Variants in DCC observed in about 807,000 individuals in gnomAD.
DCC encodes the protein DCC netrin 1 receptor.
A neutral mutation model predicts 172.5 loss-of-function variants in DCC; 58 were observed. The ratio of observed to expected loss-of-function variants is 0.34; its 90% CI spans 0.27 to 0.42. DCC has a LOEUF of 0.42. DCC is among the 10% of genes least tolerant of loss of function. DCC has a pLI of 1.00. For missense variants in DCC, 1,740 were observed against 1,791.0 expected (o/e 0.97, Z 0.51); for synonymous variants, 709 against 644.5 (o/e 1.10, Z -1.52).
intron 7 of DCC, among the ~76,000 whole-genome samples, chr18:53,122,850 C>G (rs1026052329): frequency 6.6e-6 from 1 of 152,038 alleles, no homozygotes; most frequent in Non-Finnish European, 1.5e-5. Flanking sequence ...CTCTTTCTGA[C>G]CTTTAGCCTT....
At chr18:52,769,992 C>T (rs2037314382) in intron 2 of DCC, among the ~76,000 whole-genome samples, 1 of 152,204 alleles carries the variant, frequency 6.6e-6, no homozygotes, top group Non-Finnish European at 1.5e-5. Flanking sequence ...TCTCCTAAAA[C>T]AGTCTATTAA....
intron 19 of DCC, among the ~76,000 whole-genome samples, chr18:53,405,094 A>G (rs1019879638): frequency 2.6e-5 from 4 of 152,138 alleles, no homozygotes; most frequent in Admixed American, 6.5e-5. Context: ...CAGAAAATAG[A>G]ATGATAAAAT....
intron 5 of DCC, among the ~76,000 whole-genome samples, chr18:53,011,457 A>G (rs1412926033): frequency 1.3e-5 from 2 of 151,620 alleles, no homozygotes; most frequent in Non-Finnish European, 3.0e-5. Context: ...TGATTTTGCA[A>G]AGAGGGTTAC....
chr18:53,054,350 A>T (rs2144048799), intron 5 of DCC, among the ~76,000 whole-genome samples: 1 of 152,142 alleles, frequency 6.6e-6, no homozygotes, highest in Non-Finnish European at 1.5e-5. Context: ...ATATATATAT[A>T]AATATAAATA....
At chr18:53,006,276 T>A (rs576848572) in intron 5 of DCC, among the ~76,000 whole-genome samples, 1 of 152,330 alleles carries the variant, frequency 6.6e-6, no homozygotes, top group East Asian at 1.9e-4. Context: ...GAGCCATAAC[T>A]GAAGCATCCA....
In DCC at chr18:53,535,816, T is replaced by C. The variant is rs1162050748; in HGVS notation, c.*5163T>C. The stretch of plus-strand genomic sequence containing the variant: ...GGAAAAGGGGGTTTTGTAAACACTG[T>C]AGAACAGTCTCATATTCATTTTTTT... On this transcript the variant is annotated 3_prime_UTR_variant, in exon 29 of 29. Coordinates refer to ENST00000442544, the MANE Select transcript of DCC (RefSeq NM_005215.4). 1 of 139,232 alleles carries C rather than the reference T, an allele frequency of 7.2e-6. No individual in the cohort carries two copies. Among genetic ancestry groups the C allele is most frequent in the African/African-American group, 2.5e-5 (1 of 40,596 alleles). The allele number at this position is 139,232 out of a possible 1,614,324, so 8.6% of individuals were successfully genotyped here.
intron 1 of DCC, among the ~76,000 whole-genome samples, chr18:52,692,974 A>G (rs1475884263): frequency 6.6e-6 from 1 of 152,198 alleles, no homozygotes; most frequent in Admixed American, 6.6e-5. Flanking sequence ...TATAGAAGCC[A>G]GGAGAGTTTG....
At chr18:53,475,120 T>G (rs2045746363) in intron 25 of DCC, among the ~76,000 whole-genome samples, 1 of 152,216 alleles carries the variant, frequency 6.6e-6, no homozygotes, top group Non-Finnish European at 1.5e-5. Context: ...AAGAAATTTC[T>G]AAGCAATAAA....
chr18:53,079,428 G>A (rs2042767842), intron 7 of DCC, among the ~76,000 whole-genome samples: 1 of 152,046 alleles, frequency 6.6e-6, no homozygotes, highest in Non-Finnish European at 1.5e-5. Context: ...GATAAAAATG[G>A]TAAATATCTT....
At chr18:52,450,199 A>G (rs1988258786) in intron 1 of DCC, among the ~76,000 whole-genome samples, 1 of 152,184 alleles carries the variant, frequency 6.6e-6, no homozygotes, top group South Asian at 2.1e-4. Flanking sequence ...ACTTCATTTC[A>G]TTATTTTTAT....
At chr18:52,862,617 A>G (rs751022059) in intron 2 of DCC, among the ~76,000 whole-genome samples, 11 of 151,972 alleles carry the variant, frequency 7.2e-5, no homozygotes, top group Non-Finnish European at 1.3e-4. Flanking sequence ...AGAATCACTT[A>G]AACCCAGGAG....
chr18:53,391,928 A>G (rs756604968), intron 17 of DCC, 41 bp downstream of exon 17: 2 of 1,191,412 alleles, frequency 1.7e-6, no homozygotes, highest in East Asian at 2.3e-5. Flanking sequence ...AAATGAACTG[A>G]CATTTGTTTA....
intron 12 of DCC, among the ~76,000 whole-genome samples, chr18:53,279,195 C>T (rs981749439): frequency 6.6e-6 from 1 of 152,194 alleles, no homozygotes; most frequent in South Asian, 2.1e-4. Context: ...TGCACATGCA[C>T]ACGTATGCTT....
intron 12 of DCC, among the ~76,000 whole-genome samples, chr18:53,289,264 C>T (rs2056971523): frequency 6.6e-6 from 1 of 152,030 alleles, no homozygotes; most frequent in African/African-American, 2.4e-5. Context: ...TAACTGAAAA[C>T]TATTTTGCAG....
At chr18:52,934,664 C>T (rs958214440) in intron 5 of DCC, 1 of 152,048 alleles carries the variant, frequency 6.6e-6, no homozygotes, top group Non-Finnish European at 1.5e-5. Context: ...AATCCTAACC[C>T]CCAATGTGAC....
intron 12 of DCC, among the ~76,000 whole-genome samples, chr18:53,254,069 T>C (rs1379423887): frequency 6.6e-6 from 1 of 152,058 alleles, no homozygotes; most frequent in Non-Finnish European, 1.5e-5. Context: ...TAAAAGCTAA[T>C]GAGCCAAGGG....
chr18:53,263,498 T>G (rs1598961722), intron 12 of DCC, among the ~76,000 whole-genome samples: 1 of 152,200 alleles, frequency 6.6e-6, no homozygotes, highest in Non-Finnish European at 1.5e-5. Context: ...AATAATTTAA[T>G]GTTTTATGCA....
intron 5 of DCC, among the ~76,000 whole-genome samples, chr18:53,013,299 A>G (rs1468478754): frequency 1.3e-5 from 2 of 152,134 alleles, no homozygotes; most frequent in South Asian, 4.1e-4. Flanking sequence ...AACCAACCCA[A>G]ATGTCCATAA....
chr18:52,612,151 G>A (rs62083419), intron 1 of DCC, among the ~76,000 whole-genome samples: 10,580 of 152,068 alleles, frequency 0.07, 451 homozygotes, highest in Middle Eastern at 0.11. Flanking sequence ...CAGATCTCTC[G>A]AAATTAATCT....
Sources: gnomAD v4.1 joint callset for allele counts (sites outside exome capture counted in the v4.1 genomes callset) on GRCh38, gnomAD v4.1.1 for gene constraint, MANE v1.5 for transcripts, NCBI Gene and HGNC (gene_info 2026-07-23, HGNC 2026-07-21) for gene names.